The following DTNA variants were observed in gnomAD, a reference collection of about 807,000 sequenced individuals.
DTNA encodes dystrophin-related protein 3.
A neutral mutation model predicts 100.7 loss-of-function variants in DTNA; 43 were observed. That is an observed-to-expected ratio of 0.43 (90% confidence interval 0.33 to 0.55). The LOEUF (loss-of-function observed/expected upper bound fraction) is 0.55, where lower values mean the gene tolerates loss of function less well. DTNA is among the 20% of genes least tolerant of loss of function. DTNA has a pLI of 0.04. For synonymous variants in DTNA, 349 were observed against 347.9 expected (o/e 1.00, Z -0.04); for missense variants, 798 against 953.9 (o/e 0.84, Z 2.15).
At chr18:34,713,798 G>C (rs1189913208) in intron 1 of DTNA, among the ~76,000 whole-genome samples, 2 of 151,776 alleles carry the variant, frequency 1.3e-5, no homozygotes, top group Admixed American at 6.6e-5. Flanking sequence ...TTATTTCCTT[G>C]AGCAGTGGTT....
At chr18:34,503,953 A>C (rs961791984) in intron 1 of DTNA, 9 of 152,114 alleles carry the variant, frequency 5.9e-5, no homozygotes, top group African/African-American at 2.2e-4. Context: ...CTCCTGCTTC[A>C]GCCTTCTGAG....
upstream of DTNA, chr18:34,710,282 T>G (rs1041583962): frequency 3.9e-5 from 6 of 152,208 alleles, no homozygotes; most frequent in Non-Finnish European, 8.8e-5. Flanking sequence ...GATTGCTGTG[T>G]GTTGAGCACA....
At chr18:34,854,447 T>A (rs892597245) in intron 15 of DTNA, among the ~76,000 whole-genome samples, 1 of 152,158 alleles carries the variant, frequency 6.6e-6, no homozygotes, top group Non-Finnish European at 1.5e-5. Context: ...AATTAACAGA[T>A]GTCAGTAAGT....
At chr18:34,591,347 T>C (rs1034890927) in intron 1 of DTNA, among the ~76,000 whole-genome samples, 4 of 152,210 alleles carry the variant, frequency 2.6e-5, no homozygotes, top group Admixed American at 6.5e-5. Flanking sequence ...AACATATTTA[T>C]CTAAGATGTA....
At chr18:34,580,404 G>A (rs1214746586) in intron 1 of DTNA, among the ~76,000 whole-genome samples, 2 of 151,982 alleles carry the variant, frequency 1.3e-5, no homozygotes, top group Non-Finnish European at 2.9e-5. Context: ...GTGGGTAAAA[G>A]CACAGAAATA....
chr18:34,760,344 G>A (rs1325243144), intron 2 of DTNA, among the ~76,000 whole-genome samples: 2 of 152,084 alleles, frequency 1.3e-5, no homozygotes, highest in Admixed American at 6.6e-5. Flanking sequence ...AGACACTGAA[G>A]TCAGAGAATT....
chr18:34,600,318 A>G (rs1436159615), intron 1 of DTNA, among the ~76,000 whole-genome samples: 1 of 152,246 alleles, frequency 6.6e-6, no homozygotes, highest in Admixed American at 6.5e-5. Flanking sequence ...TGATGTAAAG[A>G]TGACTCAGAC....
chr18:34,756,324 T>C (rs1220996503), intron 2 of DTNA, among the ~76,000 whole-genome samples: 2 of 152,220 alleles, frequency 1.3e-5, no homozygotes, highest in Admixed American at 1.3e-4. Flanking sequence ...ACACAGACAG[T>C]TGATAAACAC....
chr18:34,816,140 G>C, intron 7 of DTNA, 126 bp downstream of exon 7: 1 of 925,474 alleles, frequency 1.1e-6, no homozygotes, highest in South Asian at 1.3e-5. Context: ...GTTTTGTTTA[G>C]GGTAGAACTA....
At chr18:34,766,076 A>C (rs1331313847) in intron 3 of DTNA, 35 bp downstream of exon 3, 1 of 1,600,222 alleles carries the variant, frequency 6.2e-7, no homozygotes, top group African/African-American at 1.3e-5. Flanking sequence ...AATTACCATC[A>C]TGAATCCTAT....
intron 1 of DTNA, among the ~76,000 whole-genome samples, chr18:34,539,372 A>G (rs1773975218): frequency 6.6e-6 from 1 of 152,006 alleles, no homozygotes; most frequent in Non-Finnish European, 1.5e-5. Context: ...TCTTAAAGTT[A>G]AACTGAAAAC....
upstream of DTNA, among the ~76,000 whole-genome samples, chr18:34,709,831 C>A (rs1317937791): frequency 2.0e-5 from 3 of 152,174 alleles, no homozygotes; most frequent in Non-Finnish European, 4.4e-5. Context: ...TTGAAACTAG[C>A]CCTTCATACA....
At chr18:34,867,349 T>C in intron 17 of DTNA, 1 of 1,230,172 alleles carries the variant, frequency 8.1e-7, no homozygotes, top group Non-Finnish European at 1.0e-6. Flanking sequence ...TTTTGTATTT[T>C]GTGAAAAAAA....
At chr18:34,874,328 G>C (rs1048389431) in intron 17 of DTNA, among the ~76,000 whole-genome samples, 9 of 152,108 alleles carry the variant, frequency 5.9e-5, no homozygotes, top group African/African-American at 2.2e-4. Flanking sequence ...TGCACTCAAG[G>C]GTCTCCTTGC....
At chr18:34,829,071 G>A in intron 10 of DTNA, 1 of 1,614,122 alleles carries the variant, frequency 6.2e-7, no homozygotes, top group Non-Finnish European at 8.5e-7. Context: ...GATGCGTCTA[G>A]ATGGATAACA....
rs771496507 is a variant in DTNA, at chr18:34,637,069, CTAAA to C, written c.-1-118897_-1-118894del. 1.1e-4 allele frequency among the ~76,000 whole-genome samples: 17 copies of C among 152,228 alleles called. 1 individual carries two copies. In the South Asian group the frequency reaches 2.1e-3, roughly 19 times the overall value. ...AATACCCTCCAAAAAGGCTGAGTTTCTAAATAAATAAATGCTGTACTTATATAAT... is the reference window on the plus strand; with the variant it reads ...AATACCCTCCAAAAAGGCTGAGTTTCTAAATAAATGCTGTACTTATATAAT... On this transcript the variant is annotated intron_variant, in intron 1 of 19. Transcript: ENST00000283365.
At chr18:34,664,280 T>C (rs2075604580) in intron 1 of DTNA, among the ~76,000 whole-genome samples, 1 of 152,122 alleles carries the variant, frequency 6.6e-6, no homozygotes, top group Non-Finnish European at 1.5e-5. Context: ...ACCATGCTTA[T>C]CACCAAAATT....
chr18:34,827,516 T>A, intron 9 of DTNA, 77 bp from the exon 10 acceptor site: 1 of 1,355,330 alleles, frequency 7.4e-7, no homozygotes, highest in South Asian at 1.2e-5. Context: ...TCCCGTTTCC[T>A]GGAGGGATGA....
chr18:34,658,168 T>C (rs767033015), intron 1 of DTNA, among the ~76,000 whole-genome samples: 6 of 152,034 alleles, frequency 3.9e-5, no homozygotes, highest in Admixed American at 1.3e-4. Context: ...TGCAGCAGGA[T>C]ATAGGAGAAA....
Sources: gnomAD v4.1 joint callset for allele counts (sites outside exome capture counted in the v4.1 genomes callset) on GRCh38, gnomAD v4.1.1 for gene constraint, MANE v1.5 for transcripts, NCBI Gene and HGNC (gene_info 2026-07-23, HGNC 2026-07-21) for gene names.